Variants in SLC44A4 observed in about 807,000 individuals in gnomAD.
SLC44A4 encodes the protein choline transporter-like protein 4.
A neutral mutation model predicts 97.0 loss-of-function variants in SLC44A4; 74 were observed. The observed-to-expected ratio is 0.76, with a 90% CI of 0.63 to 0.93. SLC44A4 has a LOEUF of 0.93. Ranked by LOEUF, SLC44A4 falls within the 40% of genes least tolerant of loss-of-function variation. The pLI is 0.00. For synonymous variants in SLC44A4, 325 were observed against 363.8 expected, an observed-to-expected ratio of 0.89 and a Z score of 1.21; for missense variants, 799 against 902.9, an observed-to-expected ratio of 0.88 and a Z score of 1.48.
chr6:31,866,195 A>C (rs1762864533), intron 13 of SLC44A4, 69 bp from the exon 14 acceptor site: 2 of 1,560,818 alleles, frequency 1.3e-6, no homozygotes, highest in African/African-American at 2.7e-5. Flanking sequence ...TGGGCGTCCC[A>C]TTCCCAGTAG....
intron 11 of SLC44A4, among the ~76,000 whole-genome samples, chr6:31,870,006 C>T (rs1319337299): frequency 1.1e-4 from 16 of 151,254 alleles, no homozygotes; most frequent in Admixed American, 4.6e-4. Flanking sequence ...AAGGGGGGGG[C>T]TGACCCCTCT....
intron 11 of SLC44A4, among the ~76,000 whole-genome samples, chr6:31,870,305 C>G (rs1295639975): frequency 6.6e-6 from 1 of 152,124 alleles, no homozygotes; most frequent in Non-Finnish European, 1.5e-5. Context: ...TGCTGCCCCT[C>G]CTGGCCCGGA....
chr6:31,863,835 C>A, intron 20 of SLC44A4, 87 bp from the exon 21 acceptor site: 1 of 1,554,918 alleles, frequency 6.4e-7, no homozygotes, highest in Non-Finnish European at 8.7e-7. Flanking sequence ...GATTTGGAAT[C>A]CAAGCTGCAC....
At position 31,864,686 on chromosome 6, in the gene SLC44A4, G is replaced by A. The variant is rs1169610778; in HGVS notation, c.1977C>T (p.Phe659=). 44 of 1,613,972 alleles carry A rather than the reference G, an allele frequency of 2.7e-5. No individual in the cohort carries two copies. Among genetic ancestry groups the A allele is most frequent in the Non-Finnish European group, 3.6e-5 (43 of 1,180,024 alleles). The change falls in exon 20 of 21, where the codon TTC becomes TTT. Residue 659 remains phenylalanine, a synonymous_variant. Coordinates refer to ENST00000229729, the MANE Select transcript of SLC44A4 (RefSeq NM_025257.3). The part of the protein sequence containing the change: ...YVIASGFFSV[F]GMCVDTLFLC... ...GGAAGAGCGTGTCCACACACATGCCGAAAACGCTGAAGAAGCCGCTGGCGA... is the reference window on the plus strand; with the variant it reads ...GGAAGAGCGTGTCCACACACATGCCAAAAACGCTGAAGAAGCCGCTGGCGA...
intron 13 of SLC44A4, 84 bp downstream of exon 13, chr6:31,869,071 G>T: frequency 1.7e-6 from 2 of 1,155,804 alleles, no homozygotes; most frequent in Non-Finnish European, 2.4e-6. Flanking sequence ...TGTGGCCTCA[G>T]TCTTCTCTGC....
In SLC44A4 at chr6:31,874,516, A is replaced by G. The variant is rs745610596; in HGVS notation, c.473T>C (p.Val158Ala). The change falls in exon 7 of 21, where the codon GTG becomes GCG. Residue 158 changes from valine to alanine, a missense_variant. This residue lies in a region of SLC44A4 where 409 missense variants were observed against 434.1 expected (regional missense o/e 0.94). Coordinates refer to ENST00000229729, the MANE Select transcript of SLC44A4 (RefSeq NM_025257.3). The surrounding 1 kb of genome is among the most constrained non-coding windows in gnomAD (Gnocchi z 4.8). Reference sequence around the variant, plus strand: ...GAGTTCCTGTTGCAGGCTTGTGATCACCGTCTGTGGCAGGAGTGAAAGGAC... The same window carrying G: ...GAGTTCCTGTTGCAGGCTTGTGATCGCCGTCTGTGGCAGGAGTGAAAGGAC... ...CLPGVPWNMTVITSLQQELCP... is the reference protein window; with the variant it reads ...CLPGVPWNMTAITSLQQELCP... The G allele has an allele frequency of 6.2e-7, 1 of 1,612,802 alleles. No individual in the cohort carries two copies. Among genetic ancestry groups the G allele is most frequent in the South Asian group, 1.1e-5 (1 of 91,044 alleles).
chr6:31,874,974 G>T lies in SLC44A4; in HGVS notation c.297C>A (p.Asn99Lys). Residue 99 changes from asparagine to lysine, a missense_variant, in exon 5 of 21, where the codon AAC (asparagine) becomes AAA (lysine). Physicochemically the swap from Asn to Lys is moderately conservative, Grantham distance 94. Transcript: ENST00000229729. This position sits in a 1 kb window ranked among gnomAD's most constrained non-coding sequence, Gnocchi z 4.8. ...FNIFSCILSS[N>K]IISVAENGLQ... ...GGCCGTTCTCAGCAACTGAGATGAT[G>T]TTGCTGGACAGGATGCAGCTGAAGA... 6.2e-7 allele frequency: 1 copy of T among 1,613,560 alleles called. No homozygotes were observed. The highest frequency in any genetic ancestry group is 2.2e-5 in the East Asian group (1 of 44,888).
intron 13 of SLC44A4, among the ~76,000 whole-genome samples, chr6:31,867,142 C>T (rs565812092): frequency 6.6e-6 from 1 of 151,900 alleles, no homozygotes; most frequent in Non-Finnish European, 1.5e-5. Flanking sequence ...TACAGTGGCT[C>T]AATCTCAGCT....
intron 11 of SLC44A4, 62 bp downstream of exon 11, chr6:31,870,541 C>G: frequency 7.3e-7 from 1 of 1,369,030 alleles, no homozygotes; most frequent in Non-Finnish European, 1.0e-6. Flanking sequence ...CCCCCTAGGT[C>G]CCCTAGCACT....
chr6:31,870,720 G>A lies in SLC44A4; in HGVS notation c.938-18C>T, dbSNP rs957163724. The stretch of plus-strand genomic sequence containing the variant: ...CACGATCACTGCAGAGGACGGGGCA[G>A]ACAGACCTAGGTCAGGGCCAGGGCT... On this transcript the variant is annotated intron_variant, in intron 10 of 20. Coordinates refer to ENST00000229729, the MANE Select transcript of SLC44A4 (RefSeq NM_025257.3). The A allele has an allele frequency of 6.2e-7, 1 of 1,611,346 alleles. No homozygotes were observed. The highest frequency in any genetic ancestry group is 8.5e-7 in the Non-Finnish European group (1 of 1,179,124).
In SLC44A4 at chr6:31,877,499, C is replaced by T; in HGVS notation, c.41-417G>A. On this transcript the variant is annotated intron_variant, in intron 1 of 20. Transcript: ENST00000229729. The surrounding 1 kb of genome is among the most constrained non-coding windows in gnomAD (Gnocchi z 6.5). ...CCCTAATCCCTCCCCAGGGACCACA[C>T]AGACCCACAGCCCCTCAGGGAGGTC... 1.5e-6 allele frequency: 1 copy of T among 675,550 alleles called. No homozygotes were observed. The highest frequency in any genetic ancestry group is 1.9e-6 in the Non-Finnish European group (1 of 533,886). The allele number at this position is 675,550 out of a possible 1,614,324, so 41.8% of individuals were successfully genotyped here.
intron 4 of SLC44A4, 171 bp downstream of exon 4, chr6:31,875,681 T>A (rs763751334): frequency 4.6e-5 from 29 of 634,626 alleles, no homozygotes; most frequent in Non-Finnish European, 7.2e-5. Flanking sequence ...CCAGCAATGG[T>A]TCTTAACGTG....
At position 31,869,150 on chromosome 6, in the gene SLC44A4, C is replaced by T. The variant is rs368092795; in HGVS notation, c.1233+5G>A. On this transcript the variant is annotated splice_donor_5th_base_variant and intron_variant, in intron 13 of 20. Coordinates refer to ENST00000229729, the MANE Select transcript of SLC44A4 (RefSeq NM_025257.3). ...CCCGCCTCCATGTCCCCTGCTTCCT[C>T]TTACCGTGGGGTTGCATGATGTATT... 15 of 1,600,908 alleles carry T rather than the reference C, an allele frequency of 9.4e-6. No individual in the cohort carries two copies. Among genetic ancestry groups the T allele is most frequent in the African/African-American group, 6.7e-5 (5 of 74,688 alleles).
intron 13 of SLC44A4, among the ~76,000 whole-genome samples, chr6:31,867,415 A>C (rs1350102117): frequency 6.6e-6 from 1 of 152,070 alleles, no homozygotes; most frequent in African/African-American, 2.4e-5. Flanking sequence ...TTACTGCTAG[A>C]TCACAAGCAA....
At position 31,865,942 on chromosome 6, in the gene SLC44A4, T is replaced by C; in HGVS notation, c.1418A>G (p.Tyr473Cys). 6.2e-7 allele frequency: 1 copy of C among 1,614,126 alleles called. No homozygotes were observed. Among genetic ancestry groups the C allele is most frequent in the Non-Finnish European group, 8.5e-7 (1 of 1,180,008 alleles). The change falls in exon 14 of 21, where the codon TAC becomes TGC. Residue 473 changes from tyrosine to cysteine, a missense_variant. By Grantham distance (194) the Tyr-to-Cys change is radical (BLOSUM62 -2). Around this residue, in one of 3 missense-constraint regions of SLC44A4, gnomAD observed 379 missense variants for 438.3 expected, o/e 0.86. Transcript: ENST00000229729. The surrounding 1 kb of genome is among the most constrained non-coding windows in gnomAD (Gnocchi z 5.2). ...GTCCTGGGGCTTGTGGAAGGCCCAG[T>C]AGAAGGAGGCAAAGGCTCCAGCGAG... is the stretch of plus-strand genomic sequence containing the variant. ...CVLAGAFASFYWAFHKPQDIP... is the reference protein window; with the variant it reads ...CVLAGAFASFCWAFHKPQDIP...
intron 20 of SLC44A4, 33 bp downstream of exon 20, chr6:31,864,619 G>T: frequency 6.3e-7 from 1 of 1,589,750 alleles, no homozygotes; most frequent in Non-Finnish European, 8.6e-7. Context: ...AGTACTTTAA[G>T]GTTGGGGACA....
At position 31,876,985 on chromosome 6, in the gene SLC44A4, A is replaced by C; in HGVS notation, c.89+49T>G. On this transcript the variant is annotated intron_variant, in intron 2 of 20. Coordinates refer to ENST00000229729, the MANE Select transcript of SLC44A4 (RefSeq NM_025257.3). The surrounding 1 kb of genome is among the most constrained non-coding windows in gnomAD (Gnocchi z 4.8). ...ATACAAAGCAAATACTGGATTCCAC[A>C]CTGCACCCACCACCCCCGCCAGCCC... 1 of 1,556,600 alleles carries C rather than the reference A, an allele frequency of 6.4e-7. No individual in the cohort carries two copies. Among genetic ancestry groups the C allele is most frequent in the Non-Finnish European group, 8.7e-7 (1 of 1,143,002 alleles).
chr6:31,874,773 A>C lies in SLC44A4; in HGVS notation c.416T>G (p.Val139Gly). 6.2e-7 allele frequency: 1 copy of C among 1,613,926 alleles called. No homozygotes were observed. The highest frequency in any genetic ancestry group is 8.5e-7 in the Non-Finnish European group (1 of 1,179,926). Residue 139 changes from valine to glycine, a missense_variant, in exon 6 of 21, where the codon GTC (valine) becomes GGC (glycine). Physicochemically the swap from Val to Gly is moderately radical, Grantham distance 109 (BLOSUM62 -3). Transcript: ENST00000229729. The surrounding 1 kb of genome is among the most constrained non-coding windows in gnomAD (Gnocchi z 4.8). ...AAAGTTCCTGTTTTTTGTATAGAAG[A>C]CTTCCCCAACAGTCTGTGAGAACTC... ...KNEFSQTVGE[V>G]FYTKNRNFCL...
intron 11 of SLC44A4, among the ~76,000 whole-genome samples, chr6:31,870,313 G>A (rs1038818113): frequency 3.3e-5 from 5 of 152,038 alleles, no homozygotes; most frequent in East Asian, 1.9e-4. Context: ...CTCCTGGCCC[G>A]GATTCCTGCC....
Sources: gnomAD v4.1 joint callset for allele counts (sites outside exome capture counted in the v4.1 genomes callset) on GRCh38, gnomAD v4.1.1 for gene constraint, gnomAD v4.1.1 regional missense constraint, Gnocchi (gnomAD v3.1) non-coding constraint, MANE v1.5 for transcripts, NCBI Gene and HGNC (gene_info 2026-07-23, HGNC 2026-07-21) for gene names.